Variants in NRG1 observed in about 807,000 individuals in gnomAD.
NRG1 encodes the protein pro-neuregulin-1, membrane-bound isoform.
In NRG1, 18 loss-of-function variants were observed where a neutral mutation model predicts 63.8. The ratio of observed to expected loss-of-function variants is 0.28; its 90% confidence interval spans 0.19 to 0.42. NRG1 has a LOEUF of 0.42. Ranked by LOEUF, NRG1 falls within the 10% of genes least tolerant of loss-of-function variation. The pLI, the probability that NRG1 is intolerant of heterozygous loss-of-function variation, is 1.00. For missense variants in NRG1, 762 were observed against 814.7 expected (o/e 0.94, Z 0.79); for synonymous variants, 302 against 301.3 (o/e 1.00, Z -0.02).
At chr8:32,026,842 TAAC>T (rs1314862831) in intron 1 of NRG1, among the ~76,000 whole-genome samples, 2 of 152,168 alleles carry the variant, frequency 1.3e-5, no homozygotes, top group Non-Finnish European at 2.9e-5. Context: ...GAATATCTGT[TAAC>T]ATTGTGTTGG....
At chr8:32,719,044 A>G (rs1819968560) in intron 5 of NRG1, among the ~76,000 whole-genome samples, 1 of 152,142 alleles carries the variant, frequency 6.6e-6, no homozygotes, top group South Asian at 2.1e-4. Flanking sequence ...GCAATGCTGA[A>G]TAGTAGCACT....
chr8:32,761,613 TGTCATC>T (rs1830682833), intron 11 of NRG1, among the ~76,000 whole-genome samples: 1 of 150,280 alleles, frequency 6.7e-6, no homozygotes, highest in Non-Finnish European at 1.5e-5. Flanking sequence ...TTTATTTTAT[TGTCATC>T]TTAGTCTAAT....
rs144930522 is a variant in NRG1, at chr8:31,731,318, T to C, written c.37+91887T>C. On this transcript the variant is annotated intron_variant, in intron 1 of 10. Coordinates refer to the NRG1 transcript ENST00000519301. ...GAAGAGGAATTAGGGTTTAATGATT[T>C]AAGAAGATATCATGAAACTATTAAA... 3.9e-3 allele frequency among the ~76,000 whole-genome samples: 587 copies of C among 152,166 alleles called. 1 individual carries two copies. Among genetic ancestry groups the C allele is most frequent in the South Asian group, 0.019 (91 of 4,822 alleles).
At chr8:31,666,073 T>C (rs1210420896) in intron 1 of NRG1, among the ~76,000 whole-genome samples, 1 of 152,168 alleles carries the variant, frequency 6.6e-6, no homozygotes, top group Non-Finnish European at 1.5e-5. Flanking sequence ...ACACCATTGA[T>C]TGAACCAACA....
intron 1 of NRG1, among the ~76,000 whole-genome samples, chr8:31,971,105 T>C (rs778758331): frequency 6.6e-6 from 1 of 152,106 alleles, no homozygotes; most frequent in Non-Finnish European, 1.5e-5. Flanking sequence ...ATAGTAAATA[T>C]GTTGCTTTTT....
intron 1 of NRG1, among the ~76,000 whole-genome samples, chr8:31,718,787 G>C (rs1183140260): frequency 6.6e-6 from 1 of 152,010 alleles, no homozygotes; most frequent in African/African-American, 2.4e-5. Context: ...TCTCTAATAA[G>C]GAAAAATATT....
chr8:31,722,248 C>T (rs1812991720), intron 1 of NRG1, among the ~76,000 whole-genome samples: 1 of 152,026 alleles, frequency 6.6e-6, no homozygotes, highest in Admixed American at 6.6e-5. Flanking sequence ...TGCGATTTTC[C>T]ATGTGCGCTT....
chr8:32,080,031 G>A (rs1827211143), intron 1 of NRG1, among the ~76,000 whole-genome samples: 1 of 151,936 alleles, frequency 6.6e-6, no homozygotes, highest in Non-Finnish European at 1.5e-5. Context: ...GGACTGAGAG[G>A]AAAAACTCAA....
At chr8:32,748,358 C>CACAGAGAGAGAGAGAGAGAGAGAGAG (rs748763782) in intron 7 of NRG1, among the ~76,000 whole-genome samples, 4 of 122,010 alleles carry the variant, frequency 3.3e-5, no homozygotes, top group South Asian at 3.1e-4. Context: ...CACACACACA[C>CACAGAGAGAGAGAGAGAGAGAGAGAG]AGAGAGAGAG....
chr8:31,806,680 T>G (rs1282786323), intron 1 of NRG1, among the ~76,000 whole-genome samples: 1 of 152,200 alleles, frequency 6.6e-6, no homozygotes, highest in Non-Finnish European at 1.5e-5. Flanking sequence ...AAATGACCAT[T>G]AATCATATTA....
At position 32,086,350 on chromosome 8, in the gene NRG1, T is replaced by G. The variant is rs542484352; in HGVS notation, c.37+446919T>G. ...TAGAAAAGGCAAGACAAGGTGTTTC[T>G]GAGAGTGTCTCCGCATTTAGATAGA... On this transcript the variant is annotated intron_variant, in intron 1 of 10. Coordinates refer to the NRG1 transcript ENST00000519301. Among the ~76,000 whole-genome samples the G allele has an allele frequency of 3.3e-5, 5 of 152,356 alleles. No homozygotes were observed. The South Asian group carries it at 1.0e-3, about 32-fold the overall frequency.
chr8:32,200,529 T>C (rs1843398126), intron 1 of NRG1, among the ~76,000 whole-genome samples: 1 of 152,204 alleles, frequency 6.6e-6, no homozygotes, highest in African/African-American at 2.4e-5. Flanking sequence ...TAGTGAAGGT[T>C]CTTCTCAATT....
chr8:31,947,306 CA>C (rs61713691), intron 1 of NRG1, among the ~76,000 whole-genome samples: 1,871 of 131,634 alleles, frequency 0.014, 5 homozygotes, highest in African/African-American at 0.057. Context: ...GACTCCGTCT[CA>C]AAAAAAAAAA....
At chr8:31,733,780 G>C (rs185762780) in intron 1 of NRG1, among the ~76,000 whole-genome samples, 25 of 152,258 alleles carry the variant, frequency 1.6e-4, no homozygotes, top group African/African-American at 5.8e-4. Context: ...CAGTTTCTAA[G>C]AGTGAACCTC....
At chr8:31,797,465 TC>T (rs1427310197) in intron 1 of NRG1, among the ~76,000 whole-genome samples, 2 of 152,342 alleles carry the variant, frequency 1.3e-5, no homozygotes, top group African/African-American at 4.8e-5. Context: ...TCTAAATGTT[TC>T]CTGGTGAGAA....
chr8:32,383,734 T>C (rs1023981884), intron 1 of NRG1, among the ~76,000 whole-genome samples: 1 of 152,214 alleles, frequency 6.6e-6, no homozygotes, highest in Non-Finnish European at 1.5e-5. Flanking sequence ...TGGTCCGTCA[T>C]GCGGTATCAG....
At chr8:31,819,883 A>T (rs1296432516) in intron 1 of NRG1, among the ~76,000 whole-genome samples, 1 of 152,212 alleles carries the variant, frequency 6.6e-6, no homozygotes, top group Non-Finnish European at 1.5e-5. Context: ...AAAAAATTCA[A>T]GATGTTGTTG....
At chr8:32,361,851 C>T (rs1807255252) in intron 1 of NRG1, among the ~76,000 whole-genome samples, 1 of 152,186 alleles carries the variant, frequency 6.6e-6, no homozygotes, top group South Asian at 2.1e-4. Context: ...AGCTTCTCTT[C>T]CCCTTACTTT....
At chr8:32,246,204 C>T (rs1848579878) in intron 1 of NRG1, among the ~76,000 whole-genome samples, 1 of 152,160 alleles carries the variant, frequency 6.6e-6, no homozygotes, top group African/African-American at 2.4e-5. Context: ...AAAGCATAGA[C>T]TTCTGAATTG....
Sources: allele counts gnomAD v4.1 joint callset (sites outside exome capture counted in the v4.1 genomes callset), GRCh38; gene constraint gnomAD v4.1.1; transcripts MANE v1.5; gene names NCBI Gene and HGNC (gene_info 2026-07-23, HGNC 2026-07-21).